The following GLDC variants were observed in gnomAD, a reference collection of about 807,000 sequenced individuals.
GLDC encodes glycine decarboxylase.
A neutral mutation model predicts 121.3 loss-of-function variants in GLDC; 104 were observed. That is an observed-to-expected ratio of 0.86 (90% confidence interval 0.73 to 1.01). The LOEUF is 1.01. Ranked by LOEUF, GLDC falls within the 50% of genes least tolerant of loss-of-function variation. The probability of loss-of-function intolerance (pLI) is 0.00; values close to 1 mark genes in which losing one functional copy is unlikely to be tolerated. For missense variants in GLDC, 1,429 were observed against 1,306.6 expected (o/e 1.09, Z -1.44); for synonymous variants, 546 against 480.6 (o/e 1.14, Z -1.78).
intron 15 of GLDC, chr9:6,585,088 C>A (rs1818241804): frequency 6.6e-6 from 1 of 152,184 alleles, no homozygotes; most frequent in Non-Finnish European, 1.5e-5. Context: ...GATTATGATT[C>A]AATCTGGGAT....
intron 15 of GLDC, among the ~76,000 whole-genome samples, chr9:6,582,908 A>C (rs1490504853): frequency 1.3e-5 from 2 of 152,208 alleles, no homozygotes; most frequent in Non-Finnish European, 1.5e-5. Context: ...AAAGGACTTG[A>C]ATACACGTTT....
At position 6,532,510 on chromosome 9, in the gene GLDC, T is replaced by TAA. The variant is rs3215922; in HGVS notation, c.*505_*506dup. The TAA allele has an allele frequency of 1.0e-4, 15 of 148,094 alleles. No homozygotes were observed. Among genetic ancestry groups the TAA allele is most frequent in the South Asian group, 4.0e-4 (2 of 4,940 alleles). The allele number at this position is 148,094 out of a possible 1,614,324, so 9.2% of individuals were successfully genotyped here. On this transcript the variant is annotated 3_prime_UTR_variant, in exon 25 of 25. Coordinates refer to ENST00000321612, the MANE Select transcript of GLDC (RefSeq NM_000170.3). Reference sequence around the variant, plus strand: ...TATTAGAATACTAATAAATGCAGATTAAAAAAAAAAAAACCTCACACAGAA... The same window carrying TAA: ...TATTAGAATACTAATAAATGCAGATTAAAAAAAAAAAAAAACCTCACACAGAA...
intron 22 of GLDC, among the ~76,000 whole-genome samples, chr9:6,539,633 T>C (rs1817213537): frequency 1.3e-5 from 2 of 152,230 alleles, no homozygotes; most frequent in Non-Finnish European, 2.9e-5. Context: ...TTGCATTTTC[T>C]TTGTGAAAAC....
At chr9:6,614,835 G>A (rs1032125757) in intron 3 of GLDC, among the ~76,000 whole-genome samples, 1 of 152,156 alleles carries the variant, frequency 6.6e-6, no homozygotes, top group African/African-American at 2.4e-5. Context: ...TACACACCTA[G>A]GCTACGTGAT....
chr9:6,620,888 C>T (rs1487628491), intron 2 of GLDC, among the ~76,000 whole-genome samples: 1 of 152,232 alleles, frequency 6.6e-6, no homozygotes, highest in African/African-American at 2.4e-5. Flanking sequence ...TCATGCAGGG[C>T]TGTGAACAGT....
At position 6,558,655 on chromosome 9, in the gene GLDC, C is replaced by G. The variant is rs1221597797; in HGVS notation, c.1956G>C (p.Gly652=). 3 of 1,614,116 alleles carry G rather than the reference C, an allele frequency of 1.9e-6. No individual in the cohort carries two copies. Among genetic ancestry groups the G allele is most frequent in the Non-Finnish European group, 2.5e-6 (3 of 1,180,012 alleles). The change falls in exon 17 of 25, where the codon GGG becomes GGC. Residue 652 remains glycine, a synonymous_variant. Coordinates refer to ENST00000321612, the MANE Select transcript of GLDC (RefSeq NM_000170.3). ...CCATGTGGGCACTTGCTGGGTTGGT[C>G]CCATGTGCTGATTTCGGAATGAGGC... ...TVCLIPKSAH[G]TNPASAHMAG...
chr9:6,592,974 C>A lies in GLDC; in HGVS notation c.1278G>T (p.Gly426=). The A allele has an allele frequency of 1.2e-6, 2 of 1,611,612 alleles. No homozygotes were observed. Among genetic ancestry groups the A allele is most frequent in the Non-Finnish European group, 1.7e-6 (2 of 1,179,158 alleles). The change falls in exon 10 of 25, where the codon GGG becomes GGT. Residue 426 remains glycine, a synonymous_variant. Transcript: ENST00000321612. ...LILSEGLKRA[G]HQLQHDLFFD... ...AGAACAGGTCATGCTGGAGTTGATG[C>A]CCTGCTCGCTTGAGACCTACACAAG...
At chr9:6,626,367 G>C (rs1408759074) in intron 2 of GLDC, among the ~76,000 whole-genome samples, 1 of 152,142 alleles carries the variant, frequency 6.6e-6, no homozygotes, top group Non-Finnish European at 1.5e-5. Context: ...GACTACAGAA[G>C]GAGCAGGATT....
intron 1 of GLDC, 113 bp downstream of exon 1, chr9:6,645,132 T>C (rs1819714970): frequency 9.1e-7 from 1 of 1,097,506 alleles, no homozygotes; most frequent in South Asian, 1.7e-5. Flanking sequence ...GGACCCAGGG[T>C]GCGGGGACCA....
At chr9:6,589,730 G>T (rs977975561) in intron 11 of GLDC, among the ~76,000 whole-genome samples, 1 of 151,824 alleles carries the variant, frequency 6.6e-6, no homozygotes, top group Non-Finnish European at 1.5e-5. Context: ...CCTGGCCAAA[G>T]ATGTAAATTT....
chr9:6,540,117 T>C lies in GLDC; in HGVS notation c.2599A>G (p.Thr867Ala). Reference sequence around the variant, plus strand: ...TTTGCAGACTTTTTGAAGGGTCTCGTGTCCAAAATAAATTCATGACCCACA... The same window carrying C: ...TTTGCAGACTTTTTGAAGGGTCTCGCGTCCAAAATAAATTCATGACCCACA... The part of the protein sequence containing the change: ...GYVGHEFILD[T>A]RPFKKSANIE... Residue 867 changes from threonine to alanine, a missense_variant, in exon 22 of 25, where the codon ACG becomes GCG. Thr to Ala is a moderately conservative substitution (Grantham distance 58, BLOSUM62 0). Coordinates refer to ENST00000321612, the MANE Select transcript of GLDC (RefSeq NM_000170.3). The C allele has an allele frequency of 6.2e-7, 1 of 1,612,928 alleles. No individual in the cohort carries two copies. Among genetic ancestry groups the C allele is most frequent in the Non-Finnish European group, 8.5e-7 (1 of 1,178,888 alleles).
chr9:6,560,782 C>T (rs1027093169), intron 16 of GLDC, among the ~76,000 whole-genome samples: 1 of 152,198 alleles, frequency 6.6e-6, no homozygotes, highest in South Asian at 2.1e-4. Context: ...TGTCCTAATC[C>T]TCGGAACCTG....
In GLDC at chr9:6,604,639, A is replaced by G. The variant is rs1563856669; in HGVS notation, c.1007T>C (p.Val336Ala). ...YGGPHAAFFA[V>A]RESLVRMMPG... The stretch of plus-strand genomic sequence containing the variant: ...CATCATTCTCACCAAGCTTTCTCGG[A>G]CAGCAAAAAATGCTGCATGGGGTCC... Residue 336 changes from valine (V) to alanine (A), a missense_variant, in exon 7 of 25, where the codon GTC (valine) becomes GCC (alanine). Transcript: ENST00000321612. The G allele has an allele frequency of 9.9e-6, 16 of 1,613,702 alleles. No homozygotes were observed. Among genetic ancestry groups the G allele is most frequent in the East Asian group, 2.2e-5 (1 of 44,874 alleles).
intron 20 of GLDC, among the ~76,000 whole-genome samples, chr9:6,552,164 G>A (rs987098565): frequency 6.6e-6 from 1 of 152,134 alleles, no homozygotes. Context: ...TAGAGTCCAG[G>A]GGATAAGTAA....
intron 21 of GLDC, among the ~76,000 whole-genome samples, chr9:6,548,959 A>G (rs994706037): frequency 6.6e-6 from 1 of 152,120 alleles, no homozygotes; most frequent in Non-Finnish European, 1.5e-5. Flanking sequence ...ACCTGCAAAC[A>G]TGGAATCCTT....
intron 11 of GLDC, among the ~76,000 whole-genome samples, chr9:6,589,918 G>C (rs1355728159): frequency 6.6e-6 from 1 of 152,090 alleles, no homozygotes; most frequent in East Asian, 1.9e-4. Flanking sequence ...AGCCGGTCGT[G>C]TTGGCGGGTG....
At chr9:6,616,549 C>G (rs6477101) in intron 3 of GLDC, among the ~76,000 whole-genome samples, 2 of 152,068 alleles carry the variant, frequency 1.3e-5, no homozygotes, top group Admixed American at 1.3e-4. Context: ...ACAAATAACC[C>G]TCATTTCAGG....
At chr9:6,573,383 C>T (rs184309114) in intron 15 of GLDC, among the ~76,000 whole-genome samples, 1 of 152,270 alleles carries the variant, frequency 6.6e-6, no homozygotes, top group Admixed American at 6.5e-5. Context: ...ATCGCTTGAG[C>T]CCGGCAGGCA....
At chr9:6,632,350 A>G (rs1163176695) in intron 2 of GLDC, among the ~76,000 whole-genome samples, 6 of 152,248 alleles carry the variant, frequency 3.9e-5, no homozygotes, top group Admixed American at 3.3e-4. Flanking sequence ...AGAAAGTTGT[A>G]TAAAATAATG....
Sources: gnomAD v4.1 joint callset for allele counts (sites outside exome capture counted in the v4.1 genomes callset) on GRCh38, gnomAD v4.1.1 for gene constraint, MANE v1.5 for transcripts, NCBI Gene and HGNC (gene_info 2026-07-23, HGNC 2026-07-21) for gene names.